The following DMGDH variants were observed in gnomAD, a reference collection of about 807,000 sequenced individuals.
The protein encoded by DMGDH is dimethylglycine dehydrogenase, mitochondrial.
A neutral mutation model predicts 95.2 loss-of-function variants in DMGDH; 76 were observed. That is an observed-to-expected ratio of 0.80 (90% CI 0.66 to 0.97). The LOEUF (loss-of-function observed/expected upper bound fraction) is 0.97, where lower values mean the gene tolerates loss of function less well. Ranked by LOEUF, DMGDH falls within the 50% of genes least tolerant of loss-of-function variation. DMGDH has a pLI of 0.00. For missense variants in DMGDH, 987 were observed against 1,055.0 expected (o/e 0.94, Z 0.89); for synonymous variants, 345 against 377.6 (o/e 0.91, Z 1.00).
At chr5:79,008,944 G>C (rs961540002) in intron 14 of DMGDH, among the ~76,000 whole-genome samples, 3 of 151,990 alleles carry the variant, frequency 2.0e-5, no homozygotes, top group East Asian at 1.9e-4. Flanking sequence ...GTTTATGAAA[G>C]ACTAAACTGA....
At chr5:79,040,265 G>A (rs189314628) in intron 7 of DMGDH, among the ~76,000 whole-genome samples, 73 of 152,296 alleles carry the variant, frequency 4.8e-4, no homozygotes, top group Non-Finnish European at 7.6e-4. Flanking sequence ...GAGAATTGGA[G>A]AATTGGTTGT....
rs143900708 is a variant in DMGDH at position 79,026,511 on chromosome 5, T to G, written c.2103A>C (p.Ala701=). ...AATTGTCGATTCCCTCCTCCTGGCCTGCATTCATGATAGCGTCATACAGCG... is the reference window on the plus strand; with the variant it reads ...AATTGTCGATTCCCTCCTCCTGGCCGGCATTCATGATAGCGTCATACAGCG... The part of the protein sequence containing the change: ...SVALYDAIMN[A]GQEEGIDNFG... The change falls in exon 13 of 16, where the codon GCA becomes GCC. Residue 701 remains alanine (A), a synonymous_variant. Transcript: ENST00000255189. 6 of 1,614,194 alleles carry G rather than the reference T, an allele frequency of 3.7e-6. No individual in the cohort carries two copies. Among genetic ancestry groups the G allele is most frequent in the Non-Finnish European group, 5.1e-6 (6 of 1,180,022 alleles).
chr5:79,001,321 C>T (rs1753449758), intron 15 of DMGDH, among the ~76,000 whole-genome samples: 1 of 152,128 alleles, frequency 6.6e-6, no homozygotes, highest in Admixed American at 6.5e-5. Context: ...CACCACCATG[C>T]CTGGCCAATT....
chr5:78,998,459 C>T (rs1448832021), intron 15 of DMGDH, among the ~76,000 whole-genome samples, 162 bp from the exon 16 acceptor site: 4 of 152,172 alleles, frequency 2.6e-5, no homozygotes, highest in Non-Finnish European at 5.9e-5. Context: ...GAAAACTTCA[C>T]ATTTTGAGAA....
Position 78,998,076 on chromosome 5 carries a change from C to G in DMGDH, c.*6G>C. On this transcript the variant is annotated 3_prime_UTR_variant, in exon 16 of 16. Coordinates refer to ENST00000255189, the MANE Select transcript of DMGDH (RefSeq NM_013391.3). ...TCTAATTCAGTTGACTGCTGAAGGT[C>G]TTTTTTCAAGTTTTGTCCTTTCCAC... 6.2e-7 allele frequency: 1 copy of G among 1,614,064 alleles called. No homozygotes were observed. The highest frequency in any genetic ancestry group is 1.1e-5 in the South Asian group (1 of 91,078).
intron 11 of DMGDH, among the ~76,000 whole-genome samples, chr5:79,029,152 A>G (rs1754082380): frequency 6.6e-6 from 1 of 152,180 alleles, no homozygotes; most frequent in Non-Finnish European, 1.5e-5. Flanking sequence ...GGACCCAGCT[A>G]TAGGGCTGGT....
chr5:79,029,792 G>A (rs1399123328), intron 11 of DMGDH, 112 bp downstream of exon 11: 2 of 1,144,982 alleles, frequency 1.7e-6, no homozygotes, highest in Non-Finnish European at 2.5e-6. Context: ...AAACAATCAG[G>A]TTTAAGAAGA....
At chr5:79,029,248 G>A in intron 11 of DMGDH, among the ~76,000 whole-genome samples, 1 of 152,102 alleles carries the variant, frequency 6.6e-6, no homozygotes, top group East Asian at 1.9e-4. Context: ...CTATTAAGAT[G>A]GTCCCAGTAC....
intron 15 of DMGDH, 144 bp from the exon 16 acceptor site, chr5:78,998,441 C>T: frequency 1.4e-6 from 1 of 732,262 alleles, no homozygotes; most frequent in South Asian, 1.6e-5. Context: ...ACGCCAGAGA[C>T]ACAGGAGGAA....
At chr5:79,013,758 C>T (rs570034246) in intron 14 of DMGDH, among the ~76,000 whole-genome samples, 2 of 152,212 alleles carry the variant, frequency 1.3e-5, no homozygotes, top group East Asian at 1.9e-4. Context: ...GCTGGCATGT[C>T]TTACATGGCA....
intron 15 of DMGDH, chr5:79,000,126 T>TC: frequency 2.1e-6 from 1 of 483,790 alleles, no homozygotes. Context: ...TTGTTTTTTT[T>TC]CCAAAGCCTT....
intron 15 of DMGDH, among the ~76,000 whole-genome samples, chr5:79,004,544 C>T (rs571517084): frequency 6.6e-6 from 1 of 152,310 alleles, no homozygotes; most frequent in Admixed American, 6.5e-5. Context: ...GGGTGTCCCA[C>T]ATATGCCTGC....
intron 6 of DMGDH, among the ~76,000 whole-genome samples, chr5:79,043,717 T>C (rs1450211818): frequency 6.6e-6 from 1 of 152,178 alleles, no homozygotes; most frequent in Non-Finnish European, 1.5e-5. Flanking sequence ...AAGTATTTCA[T>C]GAAAAGCAAA....
At chr5:79,023,049 T>C (rs567209282) in intron 14 of DMGDH, among the ~76,000 whole-genome samples, 1 of 152,332 alleles carries the variant, frequency 6.6e-6, no homozygotes, top group African/African-American at 2.4e-5. Context: ...TACAGAAAGA[T>C]ATTCCCTTTA....
At chr5:79,029,811 T>C (rs1451263035) in intron 11 of DMGDH, 93 bp downstream of exon 11, 5 of 1,263,920 alleles carry the variant, frequency 4.0e-6, no homozygotes, top group Non-Finnish European at 5.6e-6. Context: ...GAAATAAAGT[T>C]GTACTTTCGA....
chr5:79,055,173 T>C (rs1002471949), intron 3 of DMGDH, among the ~76,000 whole-genome samples: 1 of 152,164 alleles, frequency 6.6e-6, no homozygotes, highest in Admixed American at 6.5e-5. Context: ...CTGAAGCAGA[T>C]AAGCAGAGGG....
In DMGDH at chr5:79,010,086, G is replaced by A. The variant is rs147081828; in HGVS notation, c.2251-4679C>T. On this transcript the variant is annotated intron_variant, in intron 14 of 15. Transcript: ENST00000255189. ...ATTTATTAATTTTAAATAGCAATAT[G>A]AGTCATTAAAACATCCACCTGTAAT... is the stretch of plus-strand genomic sequence containing the variant. Among the ~76,000 whole-genome samples, 42 of 152,186 alleles carry A rather than the reference G, an allele frequency of 2.8e-4. No individual in the cohort carries two copies. In the East Asian group the frequency reaches 7.9e-3, roughly 29 times the overall value.
chr5:79,064,711 C>T (rs1453442879), intron 1 of DMGDH, among the ~76,000 whole-genome samples: 1 of 151,710 alleles, frequency 6.6e-6, no homozygotes, highest in Non-Finnish European at 1.5e-5. Flanking sequence ...ATTCTGGAAC[C>T]TTTTTTCTAT....
rs1753387081 is a variant in DMGDH, at chr5:78,997,896, A to C, written c.*186T>G. ...TTCATTTAAAAGAACAATGTAAATC[A>C]TTTATCTATTATTCTGTCTTGCTTA... On this transcript the variant is annotated 3_prime_UTR_variant, in exon 16 of 16. Coordinates refer to ENST00000255189, the MANE Select transcript of DMGDH (RefSeq NM_013391.3). The C allele has an allele frequency of 1.6e-6, 1 of 635,824 alleles. No homozygotes were observed. Among genetic ancestry groups the C allele is most frequent in the Admixed American group, 3.0e-5 (1 of 33,376 alleles). 39.4% of individuals were successfully genotyped at this position (635,824 alleles called of 1,614,324 possible).
Sources: allele counts gnomAD v4.1 joint callset (sites outside exome capture counted in the v4.1 genomes callset), GRCh38; gene constraint gnomAD v4.1.1; transcripts MANE v1.5; gene names NCBI Gene and HGNC (gene_info 2026-07-23, HGNC 2026-07-21).